The following ADARB2 variants were observed in gnomAD, a reference collection of about 807,000 sequenced individuals.
The protein encoded by ADARB2 is adenosine deaminase RNA specific B2 (inactive), also known as inactive double-stranded RNA-specific editase B2.
A neutral mutation model predicts 62.2 loss-of-function variants in ADARB2; 25 were observed. The ratio of observed to expected loss-of-function variants is 0.40; its 90% CI spans 0.29 to 0.56. The LOEUF (loss-of-function observed/expected upper bound fraction) is 0.56, where lower values mean the gene tolerates loss of function less well. Among genes scored for constraint, ADARB2 ranks in the 20% least tolerant of loss-of-function variants. ADARB2 has a pLI of 0.43. For synonymous variants in ADARB2, 572 were observed against 500.8 expected (o/e 1.14, Z -1.90); for missense variants, 1,071 against 1,077.4 (o/e 0.99, Z 0.08).
chr10:1,636,078 G>C (rs779316937), intron 1 of ADARB2, among the ~76,000 whole-genome samples: 10 of 152,190 alleles, frequency 6.6e-5, no homozygotes, highest in Non-Finnish European at 1.5e-4. Context: ...GTGCTCCCTT[G>C]TTAAAGCTGA....
chr10:1,316,316 T>C (rs2255117), intron 3 of ADARB2, among the ~76,000 whole-genome samples: 76,713 of 152,172 alleles, frequency 0.5, 21,226 homozygotes, highest in African/African-American at 0.75. Context: ...TCTGCCGTGG[T>C]GATGGCGGCT....
chr10:1,645,749 A>C (rs2119064631), intron 1 of ADARB2, among the ~76,000 whole-genome samples: 2 of 151,462 alleles, frequency 1.3e-5, no homozygotes, highest in East Asian at 3.9e-4. Flanking sequence ...GAAACTCTGC[A>C]ATGTTGAGCT....
chr10:1,658,699 A>G (rs891259641), intron 1 of ADARB2, among the ~76,000 whole-genome samples: 1 of 152,224 alleles, frequency 6.6e-6, no homozygotes, highest in East Asian at 1.9e-4. Context: ...GATGAGGTCT[A>G]AGGAGCAACT....
chr10:1,252,732 G>T (rs1831047766), intron 4 of ADARB2, among the ~76,000 whole-genome samples: 1 of 151,750 alleles, frequency 6.6e-6, no homozygotes, highest in African/African-American at 2.4e-5. Flanking sequence ...TCGAAATCAG[G>T]TAGATTTTAA....
intron 1 of ADARB2, among the ~76,000 whole-genome samples, chr10:1,525,473 C>T (rs1832128484): frequency 6.6e-6 from 1 of 152,064 alleles, no homozygotes. Context: ...CTCTGTTTCT[C>T]ATGGTCTCTC....
chr10:1,326,367 G>A (rs1019699045), intron 3 of ADARB2, among the ~76,000 whole-genome samples: 4 of 152,230 alleles, frequency 2.6e-5, no homozygotes, highest in African/African-American at 9.7e-5. Context: ...GGGCAAAAGT[G>A]TAACTGCTGA....
intron 1 of ADARB2, among the ~76,000 whole-genome samples, chr10:1,503,392 C>T (rs1347421054): frequency 2.0e-5 from 3 of 151,076 alleles, no homozygotes; most frequent in African/African-American, 7.3e-5. Context: ...TGCCATGTTG[C>T]CCAGGCTGGT....
At chr10:1,484,744 G>A (rs563434908) in intron 1 of ADARB2, among the ~76,000 whole-genome samples, 100 of 152,220 alleles carry the variant, frequency 6.6e-4, no homozygotes, top group Non-Finnish European at 1.0e-3. Flanking sequence ...GTATGTAGGC[G>A]TGCATATAGG....
chr10:1,529,872 G>A (rs992106649), intron 1 of ADARB2, among the ~76,000 whole-genome samples: 5 of 151,536 alleles, frequency 3.3e-5, no homozygotes, highest in African/African-American at 9.7e-5. Flanking sequence ...CTGTGACTGC[G>A]GGCACACGTC....
chr10:1,497,046 A>G (rs1418725031), intron 1 of ADARB2, among the ~76,000 whole-genome samples: 1 of 152,200 alleles, frequency 6.6e-6, no homozygotes, highest in African/African-American at 2.4e-5. Context: ...GACCTGTGAC[A>G]GTGACAGTGA....
At chr10:1,343,116 A>G (rs1441105058) in intron 3 of ADARB2, among the ~76,000 whole-genome samples, 1 of 152,254 alleles carries the variant, frequency 6.6e-6, no homozygotes, top group Non-Finnish European at 1.5e-5. Flanking sequence ...ACATGAAGTT[A>G]GTCAGGGCTT....
intron 4 of ADARB2, among the ~76,000 whole-genome samples, chr10:1,257,947 C>G (rs989408873): frequency 2.0e-5 from 3 of 152,332 alleles, no homozygotes; most frequent in African/African-American, 7.2e-5. Context: ...TACAGCTTCA[C>G]TCAGTTTCAC....
At chr10:1,728,041 C>A (rs1564206269) in intron 1 of ADARB2, among the ~76,000 whole-genome samples, 2 of 152,208 alleles carry the variant, frequency 1.3e-5, no homozygotes, top group Non-Finnish European at 2.9e-5. Context: ...AAGCAAAATG[C>A]AAGAAAGATG....
chr10:1,701,750 AGACCAGGCGC>A lies in ADARB2; in HGVS notation c.100+35291_100+35300del. On this transcript the variant is annotated intron_variant, in intron 1 of 9. Coordinates refer to ENST00000381312, the MANE Select transcript of ADARB2 (RefSeq NM_018702.4). ...ATACACGCAATCCCACTCCACCGGG[AGACCAGGCGC>A]TAGTCAATACACGCAATCCCACTCC... is the stretch of plus-strand genomic sequence containing the variant. Among the ~76,000 whole-genome samples, 29 of 41,244 alleles carry A rather than the reference AGACCAGGCGC, an allele frequency of 7.0e-4. 1 individual carries two copies. Among genetic ancestry groups the A allele is most frequent in the Non-Finnish European group, 1.4e-3 (26 of 18,922 alleles). The allele number at this position is 41,244 out of a possible 152,430, so 27.1% of individuals were successfully genotyped here.
At chr10:1,219,049 CAAAAAAAAAA>C (rs58282140) in intron 6 of ADARB2, among the ~76,000 whole-genome samples, 27 of 103,590 alleles carry the variant, frequency 2.6e-4, no homozygotes, top group Admixed American at 1.4e-3. Context: ...GACTACGTCT[CAAAAAAAAAA>C]AAAAAAAAAA....
Position 1,363,041 on chromosome 10 carries a change from G to A in ADARB2, c.1064C>T (p.Thr355Met). 1 of 1,400,166 alleles carries A rather than the reference G, an allele frequency of 7.1e-7. No homozygotes were observed. The highest frequency in any genetic ancestry group is 2.8e-5 in the East Asian group (1 of 35,602). The allele number at this position is 1,400,166 out of a possible 1,614,324, so 86.7% of individuals were successfully genotyped here. A position where few individuals can be genotyped will look rare whatever the true frequency, so the allele number is the denominator to read the frequency against. Residue 355 changes from threonine (T) to methionine (M), a missense_variant, in exon 3 of 10, where the codon ACG becomes ATG. Transcript: ENST00000381312. ...PGHAPGRARR[T>M]PMPQEFADSI... The stretch of plus-strand genomic sequence containing the variant: ...CGCGCCCCTCACCTGCGGCATTGGC[G>A]TCCTCCTGGCCCTGCCGGGCGCGTG...
At chr10:1,271,606 G>A (rs1046727181) in intron 3 of ADARB2, among the ~76,000 whole-genome samples, 9 of 152,032 alleles carry the variant, frequency 5.9e-5, no homozygotes, top group Non-Finnish European at 1.2e-4. Flanking sequence ...TAGGGCACAC[G>A]TGCACACACG....
Position 1,404,791 on chromosome 10 carries a change from A to G in ADARB2, c.101-25631T>C, listed in dbSNP as rs79933070. 7.9e-3 allele frequency among the ~76,000 whole-genome samples: 1,209 copies of G among 152,322 alleles called. 16 individuals are homozygous for G. The highest frequency in any genetic ancestry group is 0.027 in the African/African-American group (1,125 of 41,580). ...AGACCCCTGAGGGAAAGTGATGGGC[A>G]ATTGTTTTGAACTCTCCAAAAGGGA... is the stretch of plus-strand genomic sequence containing the variant. On this transcript the variant is annotated intron_variant, in intron 1 of 9. Transcript: ENST00000381312.
intron 1 of ADARB2, among the ~76,000 whole-genome samples, chr10:1,482,044 C>T (rs1831479972): frequency 6.6e-6 from 1 of 152,120 alleles, no homozygotes; most frequent in African/African-American, 2.4e-5. Context: ...CCATGAGAGA[C>T]CACTTCATAC....
Sources: allele counts gnomAD v4.1 joint callset (sites outside exome capture counted in the v4.1 genomes callset), GRCh38; gene constraint gnomAD v4.1.1; transcripts MANE v1.5; gene names NCBI Gene and HGNC (gene_info 2026-07-23, HGNC 2026-07-21).